Variants in ADH4 observed in about 807,000 individuals in gnomAD.
ADH4 encodes the protein all-trans-retinol dehydrogenase [NAD(+)] ADH4.
A neutral mutation model predicts 35.2 loss-of-function variants in ADH4; 31 were observed. The observed-to-expected ratio is 0.88, with a 90% CI of 0.66 to 1.19. ADH4 has a LOEUF of 1.19. Ranked by LOEUF, ADH4 falls within the 50% of genes most tolerant of loss-of-function variation. The pLI is 0.00. For missense variants in ADH4, 476 were observed against 458.3 expected (o/e 1.04, Z -0.35); for synonymous variants, 171 against 160.2 (o/e 1.07, Z -0.51).
chr4:99,127,368 C>T, intron 6 of ADH4, 24 bp from the exon 7 acceptor site: 1 of 1,555,530 alleles, frequency 6.4e-7, no homozygotes, highest in African/African-American at 1.4e-5. Flanking sequence ...TAAAAGAATA[C>T]TTGAGTCAGT....
chr4:99,134,829 T>C (rs1358012337), intron 5 of ADH4, among the ~76,000 whole-genome samples: 1 of 151,262 alleles, frequency 6.6e-6, no homozygotes, highest in Admixed American at 6.6e-5. Flanking sequence ...CTTTGGTATC[T>C]TGGCTACTAG....
chr4:99,127,830 T>TG (rs1430264392), intron 6 of ADH4, among the ~76,000 whole-genome samples: 1 of 130,610 alleles, frequency 7.7e-6, no homozygotes, highest in African/African-American at 2.7e-5. Context: ...AGACTCTGTC[T>TG]CAAAAAAAAA....
Position 99,124,268 on chromosome 4 carries a change from T to G in ADH4, c.*174A>C. 1 of 544,786 alleles carries G rather than the reference T, an allele frequency of 1.8e-6. No individual in the cohort carries two copies. Among genetic ancestry groups the G allele is most frequent in the Non-Finnish European group, 3.2e-6 (1 of 308,424 alleles). 33.7% of individuals were successfully genotyped at this position (544,786 alleles called of 1,614,324 possible). On this transcript the variant is annotated 3_prime_UTR_variant, in exon 9 of 9. Transcript: ENST00000265512. ...TATTATTATTTAACATAGGGAATAT[T>G]CATATATATAACAGGTACAAAGTCT...
chr4:99,125,875 T>C (rs934584483), intron 8 of ADH4, among the ~76,000 whole-genome samples: 1 of 152,214 alleles, frequency 6.6e-6, no homozygotes, highest in Non-Finnish European at 1.5e-5. Flanking sequence ...ATCTTCTCTT[T>C]TCATTTCTTC....
intron 4 of ADH4, among the ~76,000 whole-genome samples, chr4:99,137,733 T>C (rs6532800): frequency 0.95 from 145,389 of 152,304 alleles, 69,421 homozygotes; most frequent in East Asian, 1. Context: ...TAACCATCAA[T>C]TCATGGCCAG....
intron 6 of ADH4, among the ~76,000 whole-genome samples, chr4:99,129,660 C>A (rs1455582867): frequency 6.6e-6 from 1 of 152,148 alleles, no homozygotes; most frequent in African/African-American, 2.4e-5. Context: ...TAACTCTTTT[C>A]TTTAGCTTTT....
chr4:99,142,626 A>G, intron 2 of ADH4, 53 bp downstream of exon 2: 1 of 1,198,404 alleles, frequency 8.3e-7, no homozygotes, highest in Non-Finnish European at 1.1e-6. Context: ...GACAGAAGCC[A>G]GGTCTCCACT....
intron 3 of ADH4, 45 bp downstream of exon 3, chr4:99,141,495 CT>C: frequency 6.4e-7 from 1 of 1,563,422 alleles, no homozygotes; most frequent in South Asian, 1.2e-5. Flanking sequence ...ATAATTATCT[CT>C]GAAATATTGT....
At position 99,136,471 on chromosome 4, in the gene ADH4, C is replaced by T; in HGVS notation, c.577G>A (p.Ala193Thr). ...STGYGAAINN[A>T]KVTPGSTCAV... ...ACTGGTGTTTAACCATTTACCTTGG[C>T]ATTGTTGATTGCAGCCCCATAGCCA... The change falls in exon 5 of 9, where the codon GCC (alanine) becomes ACC (threonine). Residue 193 changes from alanine (A) to threonine (T), a missense_variant. Ala to Thr is a moderately conservative substitution (Grantham distance 58, BLOSUM62 0). Transcript: ENST00000265512. 1.9e-6 allele frequency: 3 copies of T among 1,613,636 alleles called. No homozygotes were observed. Among genetic ancestry groups the T allele is most frequent in the South Asian group, 2.2e-5 (2 of 91,076 alleles).
chr4:99,129,373 CATA>C (rs1004595964), intron 6 of ADH4, among the ~76,000 whole-genome samples: 5 of 151,854 alleles, frequency 3.3e-5, no homozygotes, highest in African/African-American at 1.2e-4. Flanking sequence ...CTGTGTAAGT[CATA>C]ATAAGTTTCA....
At chr4:99,131,837 G>T in intron 5 of ADH4, 73 bp from the exon 6 acceptor site, 1 of 1,492,608 alleles carries the variant, frequency 6.7e-7, no homozygotes, top group Non-Finnish European at 9.0e-7. Context: ...GAGTCAGGAG[G>T]AAGTGGGGGC....
intron 6 of ADH4, among the ~76,000 whole-genome samples, chr4:99,127,586 T>C (rs990883295): frequency 6.6e-6 from 1 of 152,184 alleles, no homozygotes; most frequent in Non-Finnish European, 1.5e-5. Flanking sequence ...CCTAGAACTT[T>C]GGGTGGCCAA....
chr4:99,141,667 G>A lies in ADH4; in HGVS notation c.136C>T (p.Leu46=). The A allele has an allele frequency of 6.2e-7, 1 of 1,613,722 alleles. No individual in the cohort carries two copies. The highest frequency in any genetic ancestry group is 8.5e-7 in the Non-Finnish European group (1 of 1,179,858). ...ATAACAGTGGCATCAGTATGGCACAGAGAGGTAGCAATGATCTACAAGGCA... is the reference window on the plus strand; with the variant it reads ...ATAACAGTGGCATCAGTATGGCACAAAGAGGTAGCAATGATCTACAAGGCA... ...EVRIQIIATS[L]CHTDATVIDS... is the part of the protein sequence containing the mutation. The change falls in exon 3 of 9, where the codon CTG becomes TTG. Residue 46 remains leucine (L), a synonymous_variant. Coordinates refer to ENST00000265512, the MANE Select transcript of ADH4 (RefSeq NM_000670.5).
intron 5 of ADH4, chr4:99,133,476 G>A (rs1309295666): frequency 6.6e-6 from 1 of 152,212 alleles, no homozygotes; most frequent in Non-Finnish European, 1.5e-5. Flanking sequence ...CTTCCCAGAA[G>A]TAAGTTAAAT....
Position 99,141,550 on chromosome 4 carries a change from C to A in ADH4, c.253G>T (p.Val85Phe). 1 of 1,607,138 alleles carries A rather than the reference C, an allele frequency of 6.2e-7. No homozygotes were observed. Among genetic ancestry groups the A allele is most frequent in the Non-Finnish European group, 8.5e-7 (1 of 1,177,606 alleles). Residue 85 changes from valine (V) to phenylalanine (F), a missense_variant, in exon 3 of 9, where the codon GTC becomes TTC. Val to Phe is a conservative substitution (Grantham distance 50, BLOSUM62 -1). Coordinates refer to ENST00000265512, the MANE Select transcript of ADH4 (RefSeq NM_000670.5). ...GAATAAAATAAAATACCTGGTTTGA[C>A]GTTGGTCACTCCTGGCCCAATACTT... ...VESIGPGVTN[V>F]KPGDKVIPLY...
intron 5 of ADH4, among the ~76,000 whole-genome samples, chr4:99,132,949 A>G (rs2110496577): frequency 6.6e-6 from 1 of 152,302 alleles, no homozygotes; most frequent in African/African-American, 2.4e-5. Flanking sequence ...GAAATAATAA[A>G]TATGTATATA....
rs1579395415 is a variant in ADH4 at position 99,130,858 on chromosome 4, C to G, written c.843+646G>C. Among the ~76,000 whole-genome samples the G allele has an allele frequency of 2.6e-5, 4 of 151,986 alleles. No homozygotes were observed. In the South Asian group the frequency reaches 8.3e-4, roughly 32 times the overall value. Reference sequence around the variant, plus strand: ...AATATGTTAATATTAAATATAACAACACATGCACATATTGTTTATTAATTT... The same window carrying G: ...AATATGTTAATATTAAATATAACAAGACATGCACATATTGTTTATTAATTT... On this transcript the variant is annotated intron_variant, in intron 6 of 8. Transcript: ENST00000265512.
intron 5 of ADH4, among the ~76,000 whole-genome samples, chr4:99,134,719 T>C (rs1292038691): frequency 6.6e-6 from 1 of 151,870 alleles, no homozygotes; most frequent in Non-Finnish European, 1.5e-5. Flanking sequence ...TAATGAGTAA[T>C]TGTGTGCGTA....
intron 2 of ADH4, among the ~76,000 whole-genome samples, chr4:99,142,253 C>G: frequency 6.6e-6 from 1 of 152,216 alleles, no homozygotes; most frequent in Admixed American, 6.5e-5. Context: ...ACTCCTGTCC[C>G]TTCCTCTGGA....
Sources: allele counts gnomAD v4.1 joint callset (sites outside exome capture counted in the v4.1 genomes callset), GRCh38; gene constraint gnomAD v4.1.1; transcripts MANE v1.5; gene names NCBI Gene and HGNC (gene_info 2026-07-23, HGNC 2026-07-21).